TTC6: variants seen among roughly 807,000 people sequenced by gnomAD.
TTC6 encodes the protein tetratricopeptide repeat domain 6.
A neutral mutation model predicts 210.4 loss-of-function variants in TTC6; 172 were observed. The ratio of observed to expected loss-of-function variants is 0.82; its 90% CI spans 0.72 to 0.93. The LOEUF (loss-of-function observed/expected upper bound fraction) is 0.93. Among genes scored for constraint, TTC6 ranks in the 40% least tolerant of loss-of-function variants. TTC6 has a pLI of 0.00. For synonymous variants in TTC6, 804 were observed against 819.6 expected (o/e 0.98, Z 0.32); for missense variants, 2,414 against 2,318.1 (o/e 1.04, Z -0.85).
intron 29 of TTC6, among the ~76,000 whole-genome samples, chr14:37,835,174 A>G (rs553042293): frequency 6.6e-6 from 1 of 152,280 alleles, no homozygotes; most frequent in African/African-American, 2.4e-5. Context: ...GGGAAGGTCA[A>G]TCTTTAGACC....
At chr14:37,628,110 G>T (rs1033865072) in intron 1 of TTC6, among the ~76,000 whole-genome samples, 1 of 152,116 alleles carries the variant, frequency 6.6e-6, no homozygotes, top group African/African-American at 2.4e-5. Context: ...AGCTGGAATT[G>T]CAGGCATGTC....
chr14:37,767,416 A>G (rs1051354271), intron 14 of TTC6, among the ~76,000 whole-genome samples: 1 of 152,222 alleles, frequency 6.6e-6, no homozygotes, highest in East Asian at 1.9e-4. Flanking sequence ...AGTTCCACCA[A>G]CAGTGTAAAA....
chr14:37,661,975 T>G (rs2095738384), intron 1 of TTC6, among the ~76,000 whole-genome samples: 1 of 152,186 alleles, frequency 6.6e-6, no homozygotes, highest in African/African-American at 2.4e-5. Flanking sequence ...ACTTGTGTGT[T>G]GTTGGTGTAC....
chr14:37,614,881 G>A (rs1341404473), intron 2 of TTC6, among the ~76,000 whole-genome samples: 1 of 151,950 alleles, frequency 6.6e-6, no homozygotes, highest in African/African-American at 2.4e-5. Flanking sequence ...CACGTAACTG[G>A]GATTACAGCT....
chr14:37,626,384 T>C (rs549832298), intron 1 of TTC6, among the ~76,000 whole-genome samples: 95 of 152,324 alleles, frequency 6.2e-4, no homozygotes, highest in Non-Finnish European at 1.2e-3. Flanking sequence ...CGGCTTAATA[T>C]GACCTAGATA....
At chr14:37,796,943 C>G (rs931518825) in exon 20 of TTC6, 1 of 1,593,782 alleles carries the variant, frequency 6.3e-7, no homozygotes, top group African/African-American at 1.3e-5. Context: ...GCCAAGAGAA[C>G]CAAGGTGAAA....
intron 26 of TTC6, among the ~76,000 whole-genome samples, chr14:37,818,315 A>C (rs1391680791): frequency 6.6e-6 from 1 of 152,178 alleles, no homozygotes; most frequent in Non-Finnish European, 1.5e-5. Context: ...AGACTTTGTT[A>C]GCCATAATGT....
chr14:37,716,908 T>TG (rs2095853618), intron 6 of TTC6, among the ~76,000 whole-genome samples: 1 of 152,008 alleles, frequency 6.6e-6, no homozygotes, highest in African/African-American at 2.4e-5. Flanking sequence ...AAATCCATAA[T>TG]GGACTAAAAC....
chr14:37,775,188 ATTTG>A (rs2096033373), intron 14 of TTC6, among the ~76,000 whole-genome samples: 1 of 151,990 alleles, frequency 6.6e-6, no homozygotes, highest in African/African-American at 2.4e-5. Context: ...TAACTACTGG[ATTTG>A]TTTATCTTTT....
At chr14:37,605,293 GACA>G (rs1208040199) in intron 1 of TTC6, among the ~76,000 whole-genome samples, 2 of 152,198 alleles carry the variant, frequency 1.3e-5, no homozygotes, top group African/African-American at 2.4e-5. Context: ...ACAAATTTTA[GACA>G]ACGAGTTTGG....
intron 1 of TTC6, among the ~76,000 whole-genome samples, chr14:37,650,962 G>A (rs780714178): frequency 6.6e-6 from 1 of 152,136 alleles, no homozygotes; most frequent in Non-Finnish European, 1.5e-5. Context: ...AACATTTGTT[G>A]GATGGGATGC....
At chr14:37,744,411 T>A (rs2095929857) in intron 10 of TTC6, among the ~76,000 whole-genome samples, 1 of 152,186 alleles carries the variant, frequency 6.6e-6, no homozygotes, top group South Asian at 2.1e-4. Context: ...GAAGCCTCTA[T>A]AAGGTAGTGA....
chr14:37,627,367 A>G (rs2095662102), intron 1 of TTC6, among the ~76,000 whole-genome samples: 1 of 151,742 alleles, frequency 6.6e-6, no homozygotes, highest in African/African-American at 2.4e-5. Context: ...GGTTTGTTAC[A>G]TAGATATAGA....
intron 26 of TTC6, among the ~76,000 whole-genome samples, chr14:37,823,213 A>G (rs966242133): frequency 6.6e-6 from 1 of 152,118 alleles, no homozygotes; most frequent in Non-Finnish European, 1.5e-5. Context: ...GATAAATAAA[A>G]TGCATTTTAC....
Position 37,598,614 on chromosome 14 carries a change from G to T in TTC6, c.-235+2606G>T, listed in dbSNP as rs2095609139. 6.6e-6 allele frequency among the ~76,000 whole-genome samples: 1 copy of T among 152,218 alleles called. No individual in the cohort carries two copies. The highest frequency in any genetic ancestry group is 1.5e-5 in the Non-Finnish European group (1 of 68,032). On this transcript the variant is annotated intron_variant, in intron 1 of 2. Transcript: ENST00000556845. This position sits in a 1 kb window ranked among gnomAD's most constrained non-coding sequence, Gnocchi z 4.9. ...TCCTCAGATATTCACCAGGCAGGTA[G>T]AAGCAGAGGGAGACGACGGCGAAAG...
intron 2 of TTC6, among the ~76,000 whole-genome samples, chr14:37,611,086 C>A (rs2095633489): frequency 6.6e-6 from 1 of 152,212 alleles, no homozygotes; most frequent in South Asian, 2.1e-4. Flanking sequence ...GGTTTGGGGT[C>A]CAAGTCCGAG....
chr14:37,765,035 G>A (rs2095994594), intron 14 of TTC6, among the ~76,000 whole-genome samples: 1 of 151,530 alleles, frequency 6.6e-6, no homozygotes, highest in Admixed American at 6.6e-5. Flanking sequence ...GAATAATGAT[G>A]TTAATTTATA....
chr14:37,842,415 A>C, exon 31 of TTC6: 2 of 793,352 alleles, frequency 2.5e-6, no homozygotes, highest in South Asian at 9.1e-5. Context: ...TCTTCCATAT[A>C]ACCTTCTATG....
Position 37,748,746 on chromosome 14 carries a change from T to C in TTC6, c.2364-193T>C, listed in dbSNP as rs779060432. ...ACATCTTTAAAAACAGTCTTTTGCTTTCATAAACTTGAGGGAGATTCTTCA... is the reference window on the plus strand; with the variant it reads ...ACATCTTTAAAAACAGTCTTTTGCTCTCATAAACTTGAGGGAGATTCTTCA... On this transcript the variant is annotated intron_variant, in intron 10 of 30. Transcript: ENST00000553443. Among the ~76,000 whole-genome samples, 72 of 152,308 alleles carry C rather than the reference T, an allele frequency of 4.7e-4. 1 individual carries two copies. The highest frequency in any genetic ancestry group is 9.4e-4 in the Non-Finnish European group (64 of 68,032).
Sources: allele counts gnomAD v4.1 joint callset (sites outside exome capture counted in the v4.1 genomes callset), GRCh38; gene constraint gnomAD v4.1.1; non-coding constraint Gnocchi (gnomAD v3.1); transcripts MANE v1.5; gene names NCBI Gene and HGNC (gene_info 2026-07-23, HGNC 2026-07-21).